Variants in CLTC observed in about 807,000 individuals in gnomAD.
CLTC encodes the protein clathrin heavy chain 1.
Under a neutral mutation model 195.8 loss-of-function variants are expected in CLTC, and 16 were observed. The ratio of observed to expected loss-of-function variants is 0.08; its 90% confidence interval spans 0.06 to 0.12. The LOEUF (loss-of-function observed/expected upper bound fraction) is 0.12, where lower values mean the gene tolerates loss of function less well. Among genes scored for constraint, CLTC ranks in the 10% least tolerant of loss-of-function variants. CLTC has a pLI of 1.00. For synonymous variants in CLTC, 667 were observed against 689.4 expected (o/e 0.97, Z 0.51); for missense variants, 796 against 2,027.0 (o/e 0.39, Z 11.66).
chr17:59,693,679 T>C, intron 31 of CLTC, 49 bp from the exon 32 acceptor site: 1 of 1,571,524 alleles, frequency 6.4e-7, no homozygotes, highest in Non-Finnish European at 8.6e-7. Flanking sequence ...CAGTTTGTCC[T>C]GCCTCCTTGC....
At chr17:59,633,228 C>T (rs956821958) in intron 1 of CLTC, among the ~76,000 whole-genome samples, 1 of 152,168 alleles carries the variant, frequency 6.6e-6, no homozygotes, top group Non-Finnish European at 1.5e-5. Flanking sequence ...CAGTGGCTCA[C>T]TCCTGTAATC....
rs560864066 is a variant in CLTC, at chr17:59,690,536, T to C, written c.4828-100T>C. 2.4e-5 allele frequency: 18 copies of C among 752,842 alleles called. No individual in the cohort carries two copies. In the South Asian group the frequency reaches 2.8e-4, roughly 12 times the overall value. The allele number at this position is 752,842 out of a possible 1,614,324, so 46.6% of individuals were successfully genotyped here. A position where few individuals can be genotyped will look rare whatever the true frequency, so the allele number is the denominator to read the frequency against. On this transcript the variant is annotated intron_variant, in intron 30 of 31. Transcript: ENST00000269122. ...AATGTTCTTTCTAGTCTGTTTTATT[T>C]TGACAGAATTTAACATACTAAGGCT...
At chr17:59,628,196 T>C (rs1376930519) in intron 1 of CLTC, among the ~76,000 whole-genome samples, 1 of 152,190 alleles carries the variant, frequency 6.6e-6, no homozygotes, top group Non-Finnish European at 1.5e-5. Context: ...TAAAGCCATA[T>C]TTTGTCACAT....
In CLTC at chr17:59,683,777, C is replaced by T; in HGVS notation, c.4323+21C>T. On this transcript the variant is annotated intron_variant, in intron 27 of 31. Coordinates refer to ENST00000269122, the MANE Select transcript of CLTC (RefSeq NM_004859.4). This position sits in a 1 kb window ranked among gnomAD's most constrained non-coding sequence, Gnocchi z 6.1. Reference sequence around the variant, plus strand: ...GCAAGGTAAAGTAATAATTTTAAACCAAAGCTTCATAGCAAGGAATTAGGA... The same window carrying T: ...GCAAGGTAAAGTAATAATTTTAAACTAAAGCTTCATAGCAAGGAATTAGGA... 6.2e-7 allele frequency: 1 copy of T among 1,613,974 alleles called. No individual in the cohort carries two copies. The highest frequency in any genetic ancestry group is 1.6e-4 in the Middle Eastern group (1 of 6,062).
intron 1 of CLTC, among the ~76,000 whole-genome samples, chr17:59,638,937 G>A (rs576871795): frequency 6.6e-6 from 1 of 152,338 alleles, no homozygotes; most frequent in East Asian, 1.9e-4. Flanking sequence ...GGAGAAGGAA[G>A]GAGATGCATT....
intron 5 of CLTC, among the ~76,000 whole-genome samples, chr17:59,652,676 T>C (rs952172938): frequency 6.6e-5 from 10 of 152,206 alleles, no homozygotes; most frequent in African/African-American, 2.2e-4. Flanking sequence ...TAAACCATGC[T>C]GTAAACAGAT....
intron 4 of CLTC, among the ~76,000 whole-genome samples, chr17:59,650,538 A>C (rs1293151150): frequency 2.1e-5 from 3 of 140,680 alleles, no homozygotes; most frequent in African/African-American, 8.2e-5. Context: ...CCCAGGCTGG[A>C]ATGCAGTGGC....
chr17:59,661,992 A>G (rs2032619935), intron 8 of CLTC, among the ~76,000 whole-genome samples: 1 of 152,016 alleles, frequency 6.6e-6, no homozygotes, highest in East Asian at 1.9e-4. Flanking sequence ...AATCCCAGCT[A>G]CTTGGGAGGC....
chr17:59,681,232 G>T lies in CLTC; in HGVS notation c.3066-63G>T, dbSNP rs79030105. 3 of 1,531,096 alleles carry T rather than the reference G, an allele frequency of 2.0e-6. No homozygotes were observed. The highest frequency in any genetic ancestry group is 2.7e-6 in the Non-Finnish European group (3 of 1,127,394). The allele number at this position is 1,531,096 out of a possible 1,614,324, so 94.8% of individuals were successfully genotyped here. On this transcript the variant is annotated intron_variant, in intron 19 of 31. Coordinates refer to ENST00000269122, the MANE Select transcript of CLTC (RefSeq NM_004859.4). This position sits in a 1 kb window ranked among gnomAD's most constrained non-coding sequence, Gnocchi z 5.0. ...AAAAACCTCTCCGTTAGTCACAGTG[G>T]TTATTTTTTATGTCGGATAAACTTA...
At chr17:59,621,977 T>C (rs773510757) in intron 1 of CLTC, among the ~76,000 whole-genome samples, 1 of 152,258 alleles carries the variant, frequency 6.6e-6, no homozygotes, top group Non-Finnish European at 1.5e-5. Context: ...ACGGCAGATG[T>C]GTAGCTCACT....
At chr17:59,667,040 A>C (rs2032747563) in intron 13 of CLTC, 63 bp downstream of exon 13, 2 of 1,366,478 alleles carry the variant, frequency 1.5e-6, no homozygotes, top group East Asian at 2.3e-5. Context: ...AGGTATGCTT[A>C]TGATCAGGCT....
intron 1 of CLTC, among the ~76,000 whole-genome samples, chr17:59,639,491 T>G (rs2031967537): frequency 1.3e-5 from 2 of 152,122 alleles, no homozygotes; most frequent in Admixed American, 1.3e-4. Flanking sequence ...AAATAGGATA[T>G]CTCCAGCTTC....
intron 1 of CLTC, among the ~76,000 whole-genome samples, chr17:59,638,094 T>C (rs2031922582): frequency 6.6e-6 from 1 of 151,904 alleles, no homozygotes; most frequent in Non-Finnish European, 1.5e-5. Context: ...TCAGCCAACC[T>C]ATGGACAGCT....
At chr17:59,642,581 T>A (rs2032070726) in intron 1 of CLTC, among the ~76,000 whole-genome samples, 1 of 152,196 alleles carries the variant, frequency 6.6e-6, no homozygotes, top group Non-Finnish European at 1.5e-5. Context: ...AGATGTGAGA[T>A]CCTGTCTCAA....
chr17:59,628,640 G>A (rs1396657295), intron 1 of CLTC, among the ~76,000 whole-genome samples: 4 of 152,168 alleles, frequency 2.6e-5, no homozygotes, highest in Non-Finnish European at 5.9e-5. Context: ...ACCCTAGGTT[G>A]AAACTGGGAG....
chr17:59,686,315 T>G (rs2033182905), intron 30 of CLTC, among the ~76,000 whole-genome samples: 1 of 149,592 alleles, frequency 6.7e-6, no homozygotes, highest in Non-Finnish European at 1.5e-5. Context: ...AAAAACAAGC[T>G]GGGGGTCTAA....
intron 1 of CLTC, among the ~76,000 whole-genome samples, chr17:59,637,570 AT>A (rs1191552303): frequency 5.6e-5 from 8 of 142,146 alleles, no homozygotes; most frequent in South Asian, 2.3e-4. Flanking sequence ...AAAAAAAAAA[AT>A]TTTTTTTTTA....
rs1274523621 is a variant in CLTC, at chr17:59,689,811, CATT to C, written c.4828-822_4828-820del. ...TGCAGATCATTTTGTTCAATCTTCT[CATT>C]ATATAGGAAAGGAAATTTGAGGGCC... On this transcript the variant is annotated intron_variant, in intron 30 of 31. Coordinates refer to ENST00000269122, the MANE Select transcript of CLTC (RefSeq NM_004859.4). The C allele has an allele frequency of 2.0e-5, 3 of 152,216 alleles. No homozygotes were observed. The South Asian group carries it at 6.2e-4, about 32-fold the overall frequency. The allele number at this position is 152,216 out of a possible 1,614,324, so 9.4% of individuals were successfully genotyped here. A position where few individuals can be genotyped will look rare whatever the true frequency, so the allele number is the denominator to read the frequency against.
chr17:59,691,059 C>T (rs1210612459), intron 31 of CLTC, among the ~76,000 whole-genome samples: 4 of 152,168 alleles, frequency 2.6e-5, no homozygotes, highest in Non-Finnish European at 1.5e-5. Context: ...CATGCCAAGG[C>T]TGTCTTTAGT....
Sources: gnomAD v4.1 joint callset for allele counts (sites outside exome capture counted in the v4.1 genomes callset) on GRCh38, gnomAD v4.1.1 for gene constraint, Gnocchi (gnomAD v3.1) non-coding constraint, MANE v1.5 for transcripts, NCBI Gene and HGNC (gene_info 2026-07-23, HGNC 2026-07-21) for gene names.